The following SGCG variants were observed in gnomAD, a reference collection of about 807,000 sequenced individuals.
The protein encoded by SGCG is sarcoglycan gamma.
In SGCG, 26 loss-of-function variants were observed where a neutral mutation model predicts 29.3. The ratio of observed to expected loss-of-function variants is 0.89; its 90% CI spans 0.65 to 1.23. The LOEUF is 1.23. Among genes scored for constraint, SGCG ranks in the 50% most tolerant of loss-of-function variants. The pLI, the probability that SGCG is intolerant of heterozygous loss-of-function variation, is 0.00. For missense variants in SGCG, 353 were observed against 356.0 expected, an observed-to-expected ratio of 0.99 and a Z score of 0.07; for synonymous variants, 145 against 129.7, an observed-to-expected ratio of 1.12 and a Z score of -0.80.
At chr13:23,304,631 T>C (rs1882295711) in intron 6 of SGCG, among the ~76,000 whole-genome samples, 1 of 148,772 alleles carries the variant, frequency 6.7e-6, no homozygotes, top group African/African-American at 2.5e-5. Context: ...GCGGATGGAG[T>C]CTTGCTCTGT....
At chr13:23,169,664 A>G in the SGCG span, among the ~76,000 whole-genome samples, 4 of 149,040 alleles carry the variant, frequency 2.7e-5, no homozygotes, top group Non-Finnish European at 5.9e-5. Context: ...AGCAACAGAG[A>G]GAGACTCCAT....
At chr13:23,170,513 C>G in the SGCG span, 2 of 152,166 alleles carry the variant, frequency 1.3e-5, no homozygotes, top group Admixed American at 1.3e-4. Context: ...ATGAAATGTC[C>G]CTGCCTATGA....
chr13:23,177,565 A>G (rs1056313721), upstream of SGCG, among the ~76,000 whole-genome samples: 5 of 133,906 alleles, frequency 3.7e-5, no homozygotes, highest in Non-Finnish European at 7.8e-5. Flanking sequence ...GCATGTGAGC[A>G]GGCTTTTTTT....
At chr13:23,297,320 A>G (rs5023404) in intron 6 of SGCG, among the ~76,000 whole-genome samples, 56,206 of 151,552 alleles carry the variant, frequency 0.37, 10,987 homozygotes, top group East Asian at 0.79. Context: ...TAGAGGAATT[A>G]AAGACACATA....
chr13:23,314,443 G>GAT lies in SGCG; in HGVS notation c.579-6186_579-6185dup, dbSNP rs1245540703. Among the ~76,000 whole-genome samples, 114 of 105,212 alleles carry GAT rather than the reference G, an allele frequency of 1.1e-3. 1 individual carries two copies. The highest frequency in any genetic ancestry group is 2.0e-3 in the Non-Finnish European group (103 of 51,500). 69.0% of individuals were successfully genotyped at this position (105,212 alleles called of 152,430 possible). A position where few individuals can be genotyped will look rare whatever the true frequency, so the allele number is the denominator to read the frequency against. Reference sequence around the variant, plus strand: ...TGTCCCTAATAAGATATGTATATAAGATATATATAAAGGTATATATATATA... The same window carrying GAT: ...TGTCCCTAATAAGATATGTATATAAGATATATATATAAAGGTATATATATATA... On this transcript the variant is annotated intron_variant, in intron 6 of 7. Coordinates refer to ENST00000218867, the MANE Select transcript of SGCG (RefSeq NM_000231.3).
the SGCG span, among the ~76,000 whole-genome samples, chr13:23,164,052 GC>G: frequency 6.6e-6 from 1 of 152,202 alleles, no homozygotes; most frequent in Non-Finnish European, 1.5e-5. Context: ...CTCCTGGTAG[GC>G]CCTGCTGTCC....
At chr13:23,313,757 T>C (rs1882691679) in intron 6 of SGCG, among the ~76,000 whole-genome samples, 1 of 152,192 alleles carries the variant, frequency 6.6e-6, no homozygotes, top group African/African-American at 2.4e-5. Flanking sequence ...CTCAACTTGA[T>C]TGGATTGAAG....
intron 2 of SGCG, among the ~76,000 whole-genome samples, chr13:23,220,858 C>T (rs976543882): frequency 6.6e-6 from 1 of 152,208 alleles, no homozygotes; most frequent in Non-Finnish European, 1.5e-5. Flanking sequence ...CCAAATCAAT[C>T]ACTGACTATT....
At chr13:23,163,624 T>C in the SGCG span, among the ~76,000 whole-genome samples, 2 of 152,188 alleles carry the variant, frequency 1.3e-5, no homozygotes, top group Non-Finnish European at 2.9e-5. Flanking sequence ...AATTAAATAA[T>C]GAAAGCTGAA....
intron 2 of SGCG, among the ~76,000 whole-genome samples, chr13:23,215,312 CAT>C (rs1320709826): frequency 5.9e-5 from 9 of 152,178 alleles, no homozygotes; most frequent in Non-Finnish European, 1.0e-4. Flanking sequence ...CTTCTGGTAA[CAT>C]AGTTTTTTTC....
chr13:23,281,723 T>A (rs1881312241), intron 5 of SGCG, among the ~76,000 whole-genome samples: 1 of 152,262 alleles, frequency 6.6e-6, no homozygotes, highest in South Asian at 2.1e-4. Flanking sequence ...GCAACCTAGA[T>A]CCCTTACACA....
At chr13:23,229,822 A>C (rs546237586) in intron 2 of SGCG, among the ~76,000 whole-genome samples, 1 of 152,230 alleles carries the variant, frequency 6.6e-6, no homozygotes, top group African/African-American at 2.4e-5. Flanking sequence ...CTTCTGTTGC[A>C]GTTGATTTTG....
intron 5 of SGCG, among the ~76,000 whole-genome samples, chr13:23,288,880 A>G (rs1881598664): frequency 6.6e-6 from 1 of 152,192 alleles, no homozygotes; most frequent in Non-Finnish European, 1.5e-5. Flanking sequence ...ACAGAGTTCT[A>G]TAATAGTATC....
chr13:23,266,383 T>G (rs1370633223), intron 4 of SGCG, among the ~76,000 whole-genome samples: 1 of 152,142 alleles, frequency 6.6e-6, no homozygotes, highest in Non-Finnish European at 1.5e-5. Context: ...TGATATAATG[T>G]CTTTTGCAGT....
chr13:23,324,344 C>T (rs776431765), intron 7 of SGCG, 24 bp from the exon 8 acceptor site: 31 of 1,613,058 alleles, frequency 1.9e-5, no homozygotes, highest in Non-Finnish European at 2.6e-5. Flanking sequence ...CTTAACTCTT[C>T]GTCTCTCATC....
At chr13:23,290,276 T>C (rs556178275) in intron 5 of SGCG, among the ~76,000 whole-genome samples, 3 of 152,312 alleles carry the variant, frequency 2.0e-5, no homozygotes, top group African/African-American at 4.8e-5. Context: ...GTGAGTTAGC[T>C]ACTGCTCAGA....
intron 6 of SGCG, among the ~76,000 whole-genome samples, chr13:23,311,189 C>T (rs1882586891): frequency 6.6e-6 from 1 of 152,140 alleles, no homozygotes; most frequent in Admixed American, 6.5e-5. Flanking sequence ...ATATATTACT[C>T]ATTAGTGCAC....
At chr13:23,219,603 A>G (rs953390734) in intron 2 of SGCG, among the ~76,000 whole-genome samples, 1 of 152,130 alleles carries the variant, frequency 6.6e-6, no homozygotes, top group African/African-American at 2.4e-5. Flanking sequence ...ATATTTTAAA[A>G]TAGCTGAGAG....
chr13:23,289,565 TG>T (rs980904763), intron 5 of SGCG, among the ~76,000 whole-genome samples: 20 of 152,368 alleles, frequency 1.3e-4, no homozygotes, highest in African/African-American at 4.8e-4. Context: ...GAATTTCTTT[TG>T]TATGTGGCGT....
Sources: gnomAD v4.1 joint callset for allele counts (sites outside exome capture counted in the v4.1 genomes callset) on GRCh38, gnomAD v4.1.1 for gene constraint, MANE v1.5 for transcripts, NCBI Gene and HGNC (gene_info 2026-07-23, HGNC 2026-07-21) for gene names.